Variants in PRRC2A observed in about 807,000 individuals in gnomAD.
PRRC2A encodes the protein protein PRRC2A.
In PRRC2A, 59 loss-of-function variants were observed where a neutral mutation model predicts 224.6. That is an observed-to-expected ratio of 0.26 (90% CI 0.21 to 0.33). PRRC2A has a LOEUF of 0.33. PRRC2A is among the 10% of genes least tolerant of loss of function. The pLI is 1.00. For synonymous variants in PRRC2A, 1,194 were observed against 1,109.5 expected, an observed-to-expected ratio of 1.08 and a Z score of -1.51; for missense variants, 3,095 against 2,880.7, an observed-to-expected ratio of 1.07 and a Z score of -1.70.
rs972073363 is a variant in PRRC2A at position 31,624,486 on chromosome 6, G to C, written c.427G>C (p.Ala143Pro). ...GGTTCCAAGCGGGGTAAAGTCCTGG[G>C]CACAAGCCAGCGTCACCCATGGAGC... is the stretch of plus-strand genomic sequence containing the variant. ...PLVPSGVKSWAQASVTHGAHG... is the reference protein window; with the variant it reads ...PLVPSGVKSWPQASVTHGAHG... The change falls in exon 5 of 31, where the codon GCA (alanine) becomes CCA (proline). Residue 143 changes from alanine (A) to proline (P), a missense_variant. Physicochemically the swap from Ala to Pro is conservative, Grantham distance 27 (BLOSUM62 -1). This residue lies in a region of PRRC2A where 287 missense variants were observed against 275.3 expected (regional missense o/e 1.04). Transcript: ENST00000376033. 6.2e-7 allele frequency: 1 copy of C among 1,613,824 alleles called. No homozygotes were observed. The highest frequency in any genetic ancestry group is 8.5e-7 in the Non-Finnish European group (1 of 1,179,814).
Position 31,628,178 on chromosome 6 carries a change from T to C in PRRC2A, c.1704T>C (p.Thr568=), listed in dbSNP as rs977214201. Residue 568 remains threonine (T), a synonymous_variant, in exon 12 of 31, where the codon ACT becomes ACC. Transcript: ENST00000376033. ...CTCCAGGTGTGGCTGCGGCTCCCAC[T>C]CTGGTGAGTGGTGGTGGCAGTACCA... ...TPTPGVAAAP[T]LVSGGGSTSS... 3.1e-6 allele frequency: 5 copies of C among 1,612,942 alleles called. No homozygotes were observed. The highest frequency in any genetic ancestry group is 4.2e-6 in the Non-Finnish European group (5 of 1,180,012).
At position 31,632,129 on chromosome 6, in the gene PRRC2A, C is replaced by T; in HGVS notation, c.3456C>T (p.Arg1152=). 6.4e-7 allele frequency: 1 copy of T among 1,558,006 alleles called. No individual in the cohort carries two copies. ...CCCCACCTTCACCAGCCCCAGCCCGCTTCACTGCCCGGGGTGGGCGAGTCT... is the reference window on the plus strand; with the variant it reads ...CCCCACCTTCACCAGCCCCAGCCCGTTTCACTGCCCGGGGTGGGCGAGTCT... The part of the protein sequence containing the change: ...PGAPPSPAPA[R]FTARGGRVFT... Residue 1152 remains arginine (R), a synonymous_variant, in exon 16 of 31, where the codon CGC becomes CGT. Coordinates refer to ENST00000376033, the MANE Select transcript of PRRC2A (RefSeq NM_004638.4).
rs1020781077 is a variant in PRRC2A, at chr6:31,636,105, G to A, written c.5624+56G>A. ...TACTTGGAGATGTGTTTCGGGGAGA[G>A]GGAAGGGGAAGACACAGTTCTAGGG... On this transcript the variant is annotated intron_variant, in intron 25 of 30. Coordinates refer to ENST00000376033, the MANE Select transcript of PRRC2A (RefSeq NM_004638.4). This position sits in a 1 kb window ranked among gnomAD's most constrained non-coding sequence, Gnocchi z 4.3. 40 of 1,570,918 alleles carry A rather than the reference G, an allele frequency of 2.5e-5. No homozygotes were observed. In the Middle Eastern group the frequency reaches 5.0e-4, roughly 20 times the overall value.
At chr6:31,623,588 G>T in intron 2 of PRRC2A, 144 bp from the exon 3 acceptor site, 1 of 956,818 alleles carries the variant, frequency 1.0e-6, no homozygotes, top group Non-Finnish European at 1.5e-6. Flanking sequence ...GATTATTAAG[G>T]GCAGGGGAAG....
At position 31,631,501 on chromosome 6, in the gene PRRC2A, G is replaced by T; in HGVS notation, c.2828G>T (p.Gly943Val). 6.2e-7 allele frequency: 1 copy of T among 1,605,594 alleles called. No homozygotes were observed. Among genetic ancestry groups the T allele is most frequent in the East Asian group, 2.2e-5 (1 of 44,740 alleles). Residue 943 changes from glycine (G) to valine (V), a missense_variant, in exon 16 of 31, where the codon GGG becomes GTG. Gly to Val is a moderately radical substitution (Grantham distance 109, BLOSUM62 -3). Coordinates refer to ENST00000376033, the MANE Select transcript of PRRC2A (RefSeq NM_004638.4). This position sits in a 1 kb window ranked among gnomAD's most constrained non-coding sequence, Gnocchi z 4.5. ...CGTGGAATCCCTCCAGAGGAGCCAG[G>T]GGCCCCACCCCGCCGGGCTGGGCCT... ...SRRGIPPEEPGAPPRRAGPIK... is the reference protein window; with the variant it reads ...SRRGIPPEEPVAPPRRAGPIK...
Position 31,634,352 on chromosome 6 carries a change from C to T in PRRC2A, c.4836C>T (p.Asn1612=), listed in dbSNP as rs1777060673. The T allele has an allele frequency of 6.2e-7, 1 of 1,612,914 alleles. No individual in the cohort carries two copies. The highest frequency in any genetic ancestry group is 8.5e-7 in the Non-Finnish European group (1 of 1,179,980). ...GTEALTPHIW[N]RLHTATSRKS... is the part of the protein sequence containing the mutation. ...AGGCCCTGACCCCTCACATCTGGAA[C>T]CGTTTACATACTGGTGAGTAAAGCT... is the stretch of plus-strand genomic sequence containing the variant. The change falls in exon 19 of 31, where the codon AAC becomes AAT. Residue 1612 remains asparagine, a synonymous_variant. Transcript: ENST00000376033.
rs1211436180 is a variant in PRRC2A at position 31,622,681 on chromosome 6, T to C, written c.-100-9T>C. ...TGGAGTTTTTAAGTTTCTGTTATGG[T>C]CTGTACAGGGGACAGAGACTGAGAC... On this transcript the variant is annotated splice_polypyrimidine_tract_variant and intron_variant, in intron 1 of 30. Transcript: ENST00000376033. The C allele has an allele frequency of 9.3e-6, 7 of 756,684 alleles. No individual in the cohort carries two copies. The allele number at this position is 756,684 out of a possible 1,614,324, so 46.9% of individuals were successfully genotyped here. A position where few individuals can be genotyped will look rare whatever the true frequency, so the allele number is the denominator to read the frequency against.
chr6:31,629,581 T>C lies in PRRC2A; in HGVS notation c.1990T>C (p.Trp664Arg), dbSNP rs765502057. The stretch of plus-strand genomic sequence containing the variant: ...CCTGAAGCAGCAGCAGCAGCACCAG[T>C]GGCAGCAGCATCAACAGGGCTCTGC... ...QLLKQQQQHQ[W>R]QQHQQGSAPP... The change falls in exon 14 of 31, where the codon TGG (tryptophan) becomes CGG (arginine). Residue 664 changes from tryptophan (W) to arginine (R), a missense_variant. Physicochemically the swap from Trp to Arg is moderately radical, Grantham distance 101 (BLOSUM62 -3). This residue lies in a region of PRRC2A where 2,001 missense variants were observed against 1,764.9 expected (regional missense o/e 1.13). Transcript: ENST00000376033. 23 of 1,604,658 alleles carry C rather than the reference T, an allele frequency of 1.4e-5. No homozygotes were observed. Among genetic ancestry groups the C allele is most frequent in the Non-Finnish European group, 2.0e-5 (23 of 1,172,412 alleles).
At position 31,637,355 on chromosome 6, in the gene PRRC2A, T is replaced by C. The variant is rs959630414; in HGVS notation, c.6333+31T>C. 2.5e-6 allele frequency: 4 copies of C among 1,601,626 alleles called. No homozygotes were observed. In the African/African-American group the frequency reaches 5.4e-5, roughly 21 times the overall value. On this transcript the variant is annotated intron_variant, in intron 30 of 30. Coordinates refer to ENST00000376033, the MANE Select transcript of PRRC2A (RefSeq NM_004638.4). ...GGAGAAACCCTTGTGGCCCCAACTC[T>C]AAATTCGAGTTGCCACCTGATTTCC...
In PRRC2A at chr6:31,628,098, C is replaced by G; in HGVS notation, c.1624C>G (p.Pro542Ala). Residue 542 changes from proline to alanine, a missense_variant, in exon 12 of 31, where the codon CCA becomes GCA. By Grantham distance (27) the Pro-to-Ala change is conservative. Around this residue, in one of 8 missense-constraint regions of PRRC2A, gnomAD observed 2,001 missense variants for 1,764.9 expected, o/e 1.13. Coordinates refer to ENST00000376033, the MANE Select transcript of PRRC2A (RefSeq NM_004638.4). ...TCCACCTCCAGCATCAGCCCCAACA[C>G]CAGAGACAGAACCTGAAGAGCCAGC... ...PAPPPASAPT[P>A]ETEPEEPAQA... is the part of the protein sequence containing the mutation. 6.2e-7 allele frequency: 1 copy of G among 1,613,138 alleles called. No individual in the cohort carries two copies. Among genetic ancestry groups the G allele is most frequent in the Non-Finnish European group, 8.5e-7 (1 of 1,179,966 alleles).
In PRRC2A at chr6:31,632,035, A is replaced by T; in HGVS notation, c.3362A>T (p.Asp1121Val). 1 of 1,594,372 alleles carries T rather than the reference A, an allele frequency of 6.3e-7. No homozygotes were observed. The highest frequency in any genetic ancestry group is 8.6e-7 in the Non-Finnish European group (1 of 1,168,356). The change falls in exon 16 of 31, where the codon GAC becomes GTC. Residue 1121 changes from aspartate (D) to valine (V), a missense_variant. Transcript: ENST00000376033. ...CATGAGAGTGATCTGGCTCCTTCAG[A>T]CAAGGAGGCTCCCACACCCAAGGAG... ...ETHESDLAPS[D>V]KEAPTPKEGT...
rs1777660511 is a variant in PRRC2A, at chr6:31,637,556, C to T, written c.6444C>T (p.Asp2148=). 6.3e-7 allele frequency: 1 copy of T among 1,591,546 alleles called. No individual in the cohort carries two copies. The highest frequency in any genetic ancestry group is 8.5e-7 in the Non-Finnish European group (1 of 1,169,974). Residue 2148 remains aspartate (D), a synonymous_variant, in exon 31 of 31, where the codon GAC becomes GAT. Transcript: ENST00000376033. ...RRAEEPGSRG[D]KEPGLPPPR ...CAGAGGAGCCTGGGTCCCGAGGGGA[C>T]AAGGAGCCTGGGTTGCCCCCACCCC...
chr6:31,625,736 A>T lies in PRRC2A; in HGVS notation c.760-56A>T, dbSNP rs1006703821. 4.5e-6 allele frequency: 7 copies of T among 1,561,116 alleles called. No individual in the cohort carries two copies. The African/African-American group carries it at 9.5e-5, about 21-fold the overall frequency. ...AGGATGATTGATAGCAGGCTTAAGG[A>T]GCTAGAAGGGTATATGACTGTCCCT... On this transcript the variant is annotated intron_variant, in intron 7 of 30. Transcript: ENST00000376033. This position sits in a 1 kb window ranked among gnomAD's most constrained non-coding sequence, Gnocchi z 4.1.
rs781052796 is a variant in PRRC2A at position 31,632,090 on chromosome 6, C to T, written c.3417C>T (p.Pro1139=). The change falls in exon 16 of 31, where the codon CCC becomes CCT. Residue 1139 remains proline, a synonymous_variant. Coordinates refer to ENST00000376033, the MANE Select transcript of PRRC2A (RefSeq NM_004638.4). The part of the protein sequence containing the change: ...EGTLTQVPLA[P]PPPGAPPSPA... ...CACTCACCCAGGTCCCTCTCGCTCC[C>T]CCACCACCAGGAGCCCCACCTTCAC... 6.4e-7 allele frequency: 1 copy of T among 1,551,690 alleles called. No individual in the cohort carries two copies. Among genetic ancestry groups the T allele is most frequent in the Non-Finnish European group, 8.7e-7 (1 of 1,148,374 alleles).
rs201371154 is a variant in PRRC2A at position 31,631,474 on chromosome 6, G to A, written c.2801G>A (p.Arg934His). ...TGGGGCCCTCGTCCAGGGAGCAGTC[G>A]TCGTGGAATCCCTCCAGAGGAGCCA... ...TRWGPRPGSS[R>H]RGIPPEEPGA... is the part of the protein sequence containing the mutation. The change falls in exon 16 of 31, where the codon CGT becomes CAT. Residue 934 changes from arginine (R) to histidine (H), a missense_variant. Physicochemically the swap from Arg to His is conservative, Grantham distance 29. Transcript: ENST00000376033. The surrounding 1 kb of genome is among the most constrained non-coding windows in gnomAD (Gnocchi z 4.5). 9.2e-4 allele frequency: 1,480 copies of A among 1,610,230 alleles called. 4 individuals are homozygous for A. The highest frequency in any genetic ancestry group is 1.3e-3 in the South Asian group (120 of 90,774).
rs1248687268 is a variant in PRRC2A at position 31,632,812 on chromosome 6, T to C, written c.4139T>C (p.Leu1380Ser). ...GATCTGAGCCAGAGAGCCAAGGATT[T>C]GAGTAAACGGAGCTTCTCAAGTCAG... ...RGDLSQRAKD[L>S]SKRSFSSQRP... Residue 1380 changes from leucine (L) to serine (S), a missense_variant, in exon 16 of 31, where the codon TTG becomes TCG. This residue lies in a region of PRRC2A where 2,001 missense variants were observed against 1,764.9 expected (regional missense o/e 1.13). Transcript: ENST00000376033. 1.2e-6 allele frequency: 2 copies of C among 1,613,062 alleles called. No individual in the cohort carries two copies. The highest frequency in any genetic ancestry group is 2.2e-5 in the South Asian group (2 of 91,078).
intron 13 of PRRC2A, 32 bp downstream of exon 13, chr6:31,629,366 GC>G (rs1561812672): frequency 6.5e-7 from 1 of 1,532,554 alleles, no homozygotes; most frequent in Non-Finnish European, 8.8e-7. Flanking sequence ...TCTAAGGGCT[GC>G]TTTTCTTCCT....
Position 31,625,918 on chromosome 6 carries a change from A to G in PRRC2A, c.839+47A>G. 6.3e-7 allele frequency: 1 copy of G among 1,580,612 alleles called. No homozygotes were observed. Among genetic ancestry groups the G allele is most frequent in the Non-Finnish European group, 8.7e-7 (1 of 1,153,670 alleles). On this transcript the variant is annotated intron_variant, in intron 8 of 30. Coordinates refer to ENST00000376033, the MANE Select transcript of PRRC2A (RefSeq NM_004638.4). The surrounding 1 kb of genome is among the most constrained non-coding windows in gnomAD (Gnocchi z 4.1). ...TTGTGGCTGGGGGCAGGGGAAGCTT[A>G]TTGGGGGAGGAGATGGTTTTCTAGC...
At chr6:31,624,404 G>A (rs1445764850) in intron 4 of PRRC2A, 44 bp downstream of exon 4, 1 of 1,607,506 alleles carries the variant, frequency 6.2e-7, no homozygotes, top group African/African-American at 1.3e-5. Flanking sequence ...ATGGTTCATA[G>A]CTGCCCCACC....
Sources: gnomAD v4.1 joint callset for allele counts on GRCh38, gnomAD v4.1.1 for gene constraint, gnomAD v4.1.1 regional missense constraint, Gnocchi (gnomAD v3.1) non-coding constraint, MANE v1.5 for transcripts, NCBI Gene and HGNC (gene_info 2026-07-23, HGNC 2026-07-21) for gene names.